The following DLGAP2 variants were observed in gnomAD, a reference collection of about 807,000 sequenced individuals.
DLGAP2 encodes the protein DLG associated protein 2.
Under a neutral mutation model 100.3 loss-of-function variants are expected in DLGAP2, and 26 were observed. The ratio of observed to expected loss-of-function variants is 0.26; its 90% CI spans 0.19 to 0.36. DLGAP2 has a LOEUF of 0.36. DLGAP2 is among the 10% of genes least tolerant of loss of function. DLGAP2 has a pLI of 1.00. For synonymous variants in DLGAP2, 886 were observed against 630.1 expected, an observed-to-expected ratio of 1.41 and a Z score of -6.08; for missense variants, 1,858 against 1,453.2, an observed-to-expected ratio of 1.28 and a Z score of -4.53.
intron 2 of DLGAP2, among the ~76,000 whole-genome samples, chr8:1,231,568 G>C (rs1021363506): frequency 4.6e-5 from 7 of 152,178 alleles, no homozygotes; most frequent in South Asian, 2.1e-4. Context: ...CGATAGCAAA[G>C]AGAGGAAATC....
intron 4 of DLGAP2, among the ~76,000 whole-genome samples, chr8:1,526,531 C>T (rs1206184561): frequency 2.0e-5 from 3 of 152,216 alleles, no homozygotes; most frequent in East Asian, 1.9e-4. Flanking sequence ...GAATTACAAT[C>T]ATTTGAACAA....
At chr8:1,417,156 GT>G (rs201184604) in intron 3 of DLGAP2, among the ~76,000 whole-genome samples, 964 of 85,580 alleles carry the variant, frequency 0.011, 60 homozygotes, top group African/African-American at 0.049. Flanking sequence ...GAGACTCTGA[GT>G]GAAGGGGAAG....
intron 7 of DLGAP2, among the ~76,000 whole-genome samples, chr8:1,630,657 A>C (rs931532415): frequency 2.0e-5 from 3 of 151,822 alleles, no homozygotes; most frequent in African/African-American, 7.3e-5. Context: ...AGCCGAGATC[A>C]CGCCACTGCA....
chr8:1,054,825 A>G (rs1802829232), intron 2 of DLGAP2, among the ~76,000 whole-genome samples: 1 of 152,234 alleles, frequency 6.6e-6, no homozygotes, highest in African/African-American at 2.4e-5. Context: ...TCAAATTGTA[A>G]GGAAAAACCA....
At chr8:1,389,162 G>A (rs937232628) in intron 3 of DLGAP2, among the ~76,000 whole-genome samples, 2 of 152,156 alleles carry the variant, frequency 1.3e-5, no homozygotes, top group African/African-American at 2.4e-5. Context: ...GTGTGGAAGT[G>A]CAGGGCCTCT....
intron 6 of DLGAP2, among the ~76,000 whole-genome samples, chr8:1,578,299 G>C (rs2130628911): frequency 6.6e-6 from 1 of 152,286 alleles, no homozygotes; most frequent in East Asian, 1.9e-4. Context: ...CAAATGTTAT[G>C]GGAAGATCGA....
intron 2 of DLGAP2, among the ~76,000 whole-genome samples, chr8:1,075,561 T>C (rs576001744): frequency 6.6e-6 from 1 of 152,274 alleles, no homozygotes; most frequent in South Asian, 2.1e-4. Context: ...TACCAAAAGC[T>C]CTGCACACAA....
rs572450614 is a variant in DLGAP2, at chr8:763,303, G to A, written c.18+25478G>A. The stretch of plus-strand genomic sequence containing the variant: ...AGGTTGCTTGTTAAGGACGCACATC[G>A]TATTGAAGTGAAGATCACTGTTACT... On this transcript the variant is annotated intron_variant, in intron 1 of 14. Coordinates refer to ENST00000637795, the MANE Select transcript of DLGAP2 (RefSeq NM_001346810.2). Among the ~76,000 whole-genome samples the A allele has an allele frequency of 1.1e-4, 17 of 152,330 alleles. No individual in the cohort carries two copies. In the South Asian group the frequency reaches 1.4e-3, roughly 13 times the overall value.
intron 1 of DLGAP2, among the ~76,000 whole-genome samples, chr8:802,270 G>T (rs1169295830): frequency 1.3e-5 from 2 of 152,114 alleles, no homozygotes; most frequent in African/African-American, 4.8e-5. Flanking sequence ...CGTCCTCACG[G>T]CCTGGGGAAC....
intron 6 of DLGAP2, among the ~76,000 whole-genome samples, chr8:1,607,575 CAGAGCGTGAGCG>C (rs1796841158): frequency 6.6e-6 from 1 of 152,222 alleles, no homozygotes; most frequent in Non-Finnish European, 1.5e-5. Context: ...AAATTGACTT[CAGAGCGTGAGCG>C]ACGCAGAAGA....
chr8:1,638,530 C>T (rs751389381), intron 8 of DLGAP2, among the ~76,000 whole-genome samples: 6 of 152,142 alleles, frequency 3.9e-5, no homozygotes, highest in Admixed American at 1.3e-4. Flanking sequence ...TGAAGACCCG[C>T]GGCCCGGCCG....
intron 2 of DLGAP2, among the ~76,000 whole-genome samples, chr8:949,444 G>A (rs1799419579): frequency 6.6e-6 from 1 of 152,066 alleles, no homozygotes; most frequent in African/African-American, 2.4e-5. Context: ...GATGAGGAGG[G>A]AGGGGTCTGC....
At chr8:1,560,490 C>A (rs1166920736) in intron 5 of DLGAP2, among the ~76,000 whole-genome samples, 1 of 152,122 alleles carries the variant, frequency 6.6e-6, no homozygotes, top group East Asian at 1.9e-4. Context: ...GTTGTCATTT[C>A]TCCTCTTTCC....
chr8:879,046 C>G (rs367821632), intron 1 of DLGAP2, among the ~76,000 whole-genome samples: 48 of 152,294 alleles, frequency 3.2e-4, no homozygotes, highest in African/African-American at 1.1e-3. Context: ...TTGGCCAAAA[C>G]CAACTAGGTT....
At chr8:784,604 A>G (rs1821787684) in intron 1 of DLGAP2, among the ~76,000 whole-genome samples, 1 of 152,222 alleles carries the variant, frequency 6.6e-6, no homozygotes, top group Non-Finnish European at 1.5e-5. Context: ...TAAAAGGGTG[A>G]TATAACAGTT....
chr8:1,227,153 G>GAGATATATATATATATATATAT (rs1554506451), intron 2 of DLGAP2, among the ~76,000 whole-genome samples: 1 of 89,750 alleles, frequency 1.1e-5, no homozygotes, highest in Non-Finnish European at 2.0e-5. Flanking sequence ...GAAACTGTGA[G>GAGATATATATATATATATATAT]ATATATATAT....
At chr8:1,452,659 C>T (rs140697875) in intron 3 of DLGAP2, among the ~76,000 whole-genome samples, 192 of 152,262 alleles carry the variant, frequency 1.3e-3, no homozygotes, top group African/African-American at 4.4e-3. Flanking sequence ...CAGGAGATGC[C>T]GAAACATTAT....
At chr8:1,440,691 G>C (rs530313161) in intron 3 of DLGAP2, among the ~76,000 whole-genome samples, 73 of 152,318 alleles carry the variant, frequency 4.8e-4, no homozygotes, top group African/African-American at 1.7e-3. Context: ...CCGCCCTCTG[G>C]GTCCTGAAGG....
intron 3 of DLGAP2, among the ~76,000 whole-genome samples, chr8:1,437,034 C>G (rs1268617505): frequency 3.9e-5 from 6 of 152,036 alleles, no homozygotes. Flanking sequence ...CTGCGTTCAG[C>G]CCAGGCGCGT....
Sources: gnomAD v4.1 joint callset for allele counts (sites outside exome capture counted in the v4.1 genomes callset) on GRCh38, gnomAD v4.1.1 for gene constraint, MANE v1.5 for transcripts, NCBI Gene and HGNC (gene_info 2026-07-23, HGNC 2026-07-21) for gene names.